The following FAM43B variants were observed in gnomAD, a reference collection of about 807,000 sequenced individuals.
FAM43B encodes the protein protein FAM43B.
In FAM43B, 17 loss-of-function variants were observed where a neutral mutation model predicts 20.1. That is an observed-to-expected ratio of 0.84 (90% CI 0.58 to 1.27). The LOEUF is 1.27. FAM43B is among the 50% of genes most tolerant of loss of function. The probability of loss-of-function intolerance (pLI) is 0.00; values close to 1 mark genes in which losing one functional copy is unlikely to be tolerated. For missense variants in FAM43B, 512 were observed against 516.7 expected (o/e 0.99, Z 0.09); for synonymous variants, 208 against 238.5 (o/e 0.87, Z 1.18).
rs775632632 is a variant in FAM43B at position 20,553,102 on chromosome 1, G to A, written c.129G>A (p.Leu43=). 3.7e-6 allele frequency: 6 copies of A among 1,613,448 alleles called. No individual in the cohort carries two copies. In the South Asian group the frequency reaches 4.4e-5, roughly 12 times the overall value. ...GCTTCCTGCGCTCCTGCCCGGACCT[G>A]CTGCCCGACTGGCCGCTGGAGCGCT... ...LSSFLRSCPD[L]LPDWPLERLG... The change falls in exon 1 of 1, where the codon CTG becomes CTA. Residue 43 remains leucine (L), a synonymous_variant. Transcript: ENST00000332947. The surrounding 1 kb of genome is among the most constrained non-coding windows in gnomAD (Gnocchi z 6.5).
In FAM43B at chr1:20,552,931, C is replaced by T. The variant is rs372568285; in HGVS notation, c.-43C>T. 2 of 1,602,192 alleles carry T rather than the reference C, an allele frequency of 1.2e-6. No homozygotes were observed. Among genetic ancestry groups the T allele is most frequent in the African/African-American group, 1.3e-5 (1 of 74,808 alleles). Reference sequence around the variant, plus strand: ...CTCCCCCGGTCTCCCGACAGGACGCCGGTGAGCTCCCTGCGCCCCCAGCCC... The same window carrying T: ...CTCCCCCGGTCTCCCGACAGGACGCTGGTGAGCTCCCTGCGCCCCCAGCCC... On this transcript the variant is annotated 5_prime_UTR_variant, in exon 1 of 1. Coordinates refer to ENST00000332947, the MANE Select transcript of FAM43B (RefSeq NM_207334.3).
rs778594166 is a variant in FAM43B at position 20,553,331 on chromosome 1, C to T, written c.358C>T (p.Arg120Cys). The T allele has an allele frequency of 1.3e-6, 2 of 1,539,208 alleles. No individual in the cohort carries two copies. The part of the protein sequence containing the change: ...MKLTLGPHGI[R>C]MQPCERSAAG... ...GCTGACGCTGGGGCCGCACGGCATC[C>T]GCATGCAGCCGTGCGAGCGCAGCGC... The change falls in exon 1 of 1, where the codon CGC (arginine) becomes TGC (cysteine). Residue 120 changes from arginine (R) to cysteine (C), a missense_variant. Transcript: ENST00000332947. This position sits in a 1 kb window ranked among gnomAD's most constrained non-coding sequence, Gnocchi z 6.5.
At position 20,553,088 on chromosome 1, in the gene FAM43B, T is replaced by G; in HGVS notation, c.115T>G (p.Ser39Ala). ...YTSLLSSFLR[S>A]CPDLLPDWPL... ...GTCGCTGCTCTCCAGCTTCCTGCGC[T>G]CCTGCCCGGACCTGCTGCCCGACTG... Residue 39 changes from serine to alanine, a missense_variant, in exon 1 of 1, where the codon TCC becomes GCC. Coordinates refer to ENST00000332947, the MANE Select transcript of FAM43B (RefSeq NM_207334.3). The surrounding 1 kb of genome is among the most constrained non-coding windows in gnomAD (Gnocchi z 6.5). 6.2e-7 allele frequency: 1 copy of G among 1,613,404 alleles called. No individual in the cohort carries two copies. Among genetic ancestry groups the G allele is most frequent in the Non-Finnish European group, 8.5e-7 (1 of 1,179,876 alleles).
chr1:20,552,820 G>T lies in FAM43B; in HGVS notation c.-154G>T. 1 of 907,994 alleles carries T rather than the reference G, an allele frequency of 1.1e-6. No homozygotes were observed. Among genetic ancestry groups the T allele is most frequent in the Non-Finnish European group, 1.6e-6 (1 of 615,680 alleles). The allele number at this position is 907,994 out of a possible 1,614,324, so 56.2% of individuals were successfully genotyped here. ...GGCATCTGCGAAGCTAGCCCTGCCTGGCACTGGGCATCTCCAGGCAACGAC... is the reference window on the plus strand; with the variant it reads ...GGCATCTGCGAAGCTAGCCCTGCCTTGCACTGGGCATCTCCAGGCAACGAC... On this transcript the variant is annotated 5_prime_UTR_variant, in exon 1 of 1. Transcript: ENST00000332947.
rs2052147887 is a variant in FAM43B, at chr1:20,553,020, C to G, written c.47C>G (p.Ala16Gly). 3 of 1,613,578 alleles carry G rather than the reference C, an allele frequency of 1.9e-6. No individual in the cohort carries two copies. In the African/African-American group the frequency reaches 4.0e-5, roughly 22 times the overall value. The change falls in exon 1 of 1, where the codon GCC becomes GGC. Residue 16 changes from alanine to glycine, a missense_variant. Transcript: ENST00000332947. The surrounding 1 kb of genome is among the most constrained non-coding windows in gnomAD (Gnocchi z 6.5). ...AAATTCGTGCTGGTGGAGGACGAGGCCAAGTGCAAGGCGAAGAGCCTGAGT... is the reference window on the plus strand; with the variant it reads ...AAATTCGTGCTGGTGGAGGACGAGGGCAAGTGCAAGGCGAAGAGCCTGAGT... Reference protein sequence around the residue: ...RNKFVLVEDEAKCKAKSLSPG... With the variant: ...RNKFVLVEDEGKCKAKSLSPG...
Position 20,552,880 on chromosome 1 carries a change from G to C in FAM43B, c.-94G>C. ...CCCTGCCCAGCTTCTCGCGACTCCA[G>C]GGCGGTGGACTTCTGCGCGCCTTCC... On this transcript the variant is annotated 5_prime_UTR_variant, in exon 1 of 1. Transcript: ENST00000332947. 4 of 1,452,930 alleles carry C rather than the reference G, an allele frequency of 2.8e-6. No individual in the cohort carries two copies. The highest frequency in any genetic ancestry group is 2.8e-6 in the Non-Finnish European group (3 of 1,080,478). The allele number at this position is 1,452,930 out of a possible 1,614,324, so 90.0% of individuals were successfully genotyped here.
chr1:20,553,414 C>CG lies in FAM43B; in HGVS notation c.441_442insG (p.Tyr148ValfsTer238). 6.9e-7 allele frequency: 1 copy of CG among 1,453,520 alleles called. No homozygotes were observed. Among genetic ancestry groups the CG allele is most frequent in the Non-Finnish European group, 9.0e-7 (1 of 1,115,450 alleles). 90.0% of individuals were successfully genotyped at this position (1,453,520 alleles called of 1,614,324 possible). A position where few individuals can be genotyped will look rare whatever the true frequency, so the allele number is the denominator to read the frequency against. On this transcript the variant is annotated frameshift_variant, in exon 1 of 1. Coordinates refer to ENST00000332947, the MANE Select transcript of FAM43B (RefSeq NM_207334.3). LOFTEE classifies it high-confidence loss of function. This position sits in a 1 kb window ranked among gnomAD's most constrained non-coding sequence, Gnocchi z 6.5. ...ACGCCTACCTGCTGCCGCGCATCAC[C>CG]TACTGCACGGCGGACGGGCGCCACC...
In FAM43B at chr1:20,553,492, G is replaced by A; in HGVS notation, c.519G>A (p.Val173=). 1 of 1,395,164 alleles carries A rather than the reference G, an allele frequency of 7.2e-7. No homozygotes were observed. Among genetic ancestry groups the A allele is most frequent in the Non-Finnish European group, 9.2e-7 (1 of 1,085,744 alleles). 86.4% of individuals were successfully genotyped at this position (1,395,164 alleles called of 1,614,324 possible). Residue 173 remains valine, a synonymous_variant, in exon 1 of 1, where the codon GTG becomes GTA. Transcript: ENST00000332947. This position sits in a 1 kb window ranked among gnomAD's most constrained non-coding sequence, Gnocchi z 6.5. ...YRHQARHKAV[V]LRCHAVLLAR... is the part of the protein sequence containing the mutation. ...ACCAGGCGCGCCACAAGGCCGTGGT[G>A]CTGCGCTGCCACGCTGTGCTGCTGG...
At position 20,553,832 on chromosome 1, in the gene FAM43B, C is replaced by A. The variant is rs1324467521; in HGVS notation, c.859C>A (p.Arg287=). The change falls in exon 1 of 1, where the codon CGG becomes AGG. Residue 287 remains arginine, a synonymous_variant. Transcript: ENST00000332947. The surrounding 1 kb of genome is among the most constrained non-coding windows in gnomAD (Gnocchi z 6.5). ...EQEGGVPQRE[R]PEVLSLAREL... is the part of the protein sequence containing the mutation. ...AGAGGGAGGAGTCCCCCAGCGCGAGCGGCCGGAGGTGCTCAGCCTGGCCCG... is the reference window on the plus strand; with the variant it reads ...AGAGGGAGGAGTCCCCCAGCGCGAGAGGCCGGAGGTGCTCAGCCTGGCCCG... 8 of 1,453,154 alleles carry A rather than the reference C, an allele frequency of 5.5e-6. No homozygotes were observed. The highest frequency in any genetic ancestry group is 4.6e-6 in the Non-Finnish European group (5 of 1,096,288). 90.0% of individuals were successfully genotyped at this position (1,453,154 alleles called of 1,614,324 possible). A position where few individuals can be genotyped will look rare whatever the true frequency, so the allele number is the denominator to read the frequency against.
rs1259806218 is a variant in FAM43B, at chr1:20,553,317, G to A, written c.344G>A (p.Gly115Glu). 1 of 1,575,260 alleles carries A rather than the reference G, an allele frequency of 6.3e-7. No homozygotes were observed. ...GGCACTAAGATGAAGCTGACGCTGGGGCCGCACGGCATCCGCATGCAGCCG... is the reference window on the plus strand; with the variant it reads ...GGCACTAAGATGAAGCTGACGCTGGAGCCGCACGGCATCCGCATGCAGCCG... ...GGGTKMKLTL[G>E]PHGIRMQPCE... Residue 115 changes from glycine (G) to glutamate (E), a missense_variant, in exon 1 of 1, where the codon GGG (glycine) becomes GAG (glutamate). Transcript: ENST00000332947. This position sits in a 1 kb window ranked among gnomAD's most constrained non-coding sequence, Gnocchi z 6.5.
chr1:20,553,238 G>A lies in FAM43B; in HGVS notation c.265G>A (p.Gly89Ser), dbSNP rs1251047855. 6.2e-7 allele frequency: 1 copy of A among 1,613,024 alleles called. No homozygotes were observed. Among genetic ancestry groups the A allele is most frequent in the Non-Finnish European group, 8.5e-7 (1 of 1,179,798 alleles). Residue 89 changes from glycine (G) to serine (S), a missense_variant, in exon 1 of 1, where the codon GGC becomes AGC. Coordinates refer to ENST00000332947, the MANE Select transcript of FAM43B (RefSeq NM_207334.3). The surrounding 1 kb of genome is among the most constrained non-coding windows in gnomAD (Gnocchi z 6.5). ...CGTCACCCTGCACGCCAAGGGCGAC[G>A]GCTGCACCGACGACGCCGTGGGCAA... ...NAVTLHAKGD[G>S]CTDDAVGKIW... is the part of the protein sequence containing the mutation.
Position 20,553,790 on chromosome 1 carries a change from G to A in FAM43B, c.817G>A (p.Asp273Asn). 1.4e-6 allele frequency: 2 copies of A among 1,476,774 alleles called. No individual in the cohort carries two copies. Among genetic ancestry groups the A allele is most frequent in the Non-Finnish European group, 1.8e-6 (2 of 1,108,916 alleles). The allele number at this position is 1,476,774 out of a possible 1,614,324, so 91.5% of individuals were successfully genotyped here. The change falls in exon 1 of 1, where the codon GAC becomes AAC. Residue 273 changes from aspartate (D) to asparagine (N), a missense_variant. Asp to Asn is a conservative substitution (Grantham distance 23, BLOSUM62 1). Transcript: ENST00000332947. The surrounding 1 kb of genome is among the most constrained non-coding windows in gnomAD (Gnocchi z 6.5). Reference protein sequence around the residue: ...IQEEDEEEEEDDAEEQEGGVP... With the variant: ...IQEEDEEEEENDAEEQEGGVP... ...GGAGGAGGACGAGGAGGAGGAGGAG[G>A]ACGACGCGGAGGAGCAAGAGGGAGG... is the stretch of plus-strand genomic sequence containing the variant.
At position 20,553,730 on chromosome 1, in the gene FAM43B, C is replaced by G. The variant is rs1295414655; in HGVS notation, c.757C>G (p.Arg253Gly). ...CGCCTACCGGCCGCCGCCGAGCGAG[C>G]GCAGCCGCGGGGCGCCGCGCCTCAG... ...KCAYRPPPSE[R>G]SRGAPRLSSI... Residue 253 changes from arginine (R) to glycine (G), a missense_variant, in exon 1 of 1, where the codon CGC (arginine) becomes GGC (glycine). By Grantham distance (125) the Arg-to-Gly change is moderately radical. Transcript: ENST00000332947. The surrounding 1 kb of genome is among the most constrained non-coding windows in gnomAD (Gnocchi z 6.5). The G allele has an allele frequency of 1.4e-6, 2 of 1,460,862 alleles. No homozygotes were observed. Among genetic ancestry groups the G allele is most frequent in the African/African-American group, 1.5e-5 (1 of 67,570 alleles). 90.5% of individuals were successfully genotyped at this position (1,460,862 alleles called of 1,614,324 possible).
Position 20,553,570 on chromosome 1 carries a change from G to A in FAM43B, c.597G>A (p.Leu199=). 7.8e-7 allele frequency: 1 copy of A among 1,284,778 alleles called. No homozygotes were observed. The highest frequency in any genetic ancestry group is 2.6e-5 in the South Asian group (1 of 38,770). The allele number at this position is 1,284,778 out of a possible 1,614,324, so 79.6% of individuals were successfully genotyped here. The change falls in exon 1 of 1, where the codon CTG becomes CTA. Residue 199 remains leucine (L), a synonymous_variant. Coordinates refer to ENST00000332947, the MANE Select transcript of FAM43B (RefSeq NM_207334.3). The surrounding 1 kb of genome is among the most constrained non-coding windows in gnomAD (Gnocchi z 6.5). ...ALARLLRQTA[L]AAFSDFKRLQ... is the part of the protein sequence containing the mutation. ...CCCGCCTGCTCCGCCAGACCGCGCT[G>A]GCGGCCTTCAGCGACTTCAAGCGCC...
Position 20,554,087 on chromosome 1 carries a change from G to T in FAM43B, c.*124G>T, listed in dbSNP as rs1343767011. 1.8e-6 allele frequency: 2 copies of T among 1,110,492 alleles called. No individual in the cohort carries two copies. Among genetic ancestry groups the T allele is most frequent in the East Asian group, 4.1e-5 (1 of 24,242 alleles). The allele number at this position is 1,110,492 out of a possible 1,614,324, so 68.8% of individuals were successfully genotyped here. On this transcript the variant is annotated 3_prime_UTR_variant, in exon 1 of 1. Coordinates refer to ENST00000332947, the MANE Select transcript of FAM43B (RefSeq NM_207334.3). ...GTGTCTCCCCCGTGGTCTCCGTGTT[G>T]TCCGCCCCGCCGCCTCATTTTGGCT...
rs1278617192 is a variant in FAM43B, at chr1:20,553,133, C to T, written c.160C>T (p.Arg54Cys). 4 of 1,613,578 alleles carry T rather than the reference C, an allele frequency of 2.5e-6. No homozygotes were observed. The highest frequency in any genetic ancestry group is 2.5e-6 in the Non-Finnish European group (3 of 1,179,882). The change falls in exon 1 of 1, where the codon CGT becomes TGT. Residue 54 changes from arginine to cysteine, a missense_variant. Physicochemically the swap from Arg to Cys is radical, Grantham distance 180. Transcript: ENST00000332947. This position sits in a 1 kb window ranked among gnomAD's most constrained non-coding sequence, Gnocchi z 6.5. ...LPDWPLERLG[R>C]VFRSRRQKVE... is the part of the protein sequence containing the mutation. ...CGACTGGCCGCTGGAGCGCTTGGGC[C>T]GTGTGTTCCGCAGCCGGCGCCAGAA...
Position 20,553,792 on chromosome 1 carries a change from C to T in FAM43B, c.819C>T (p.Asp273=). ...AGGAGGACGAGGAGGAGGAGGAGGACGACGCGGAGGAGCAAGAGGGAGGAG... is the reference window on the plus strand; with the variant it reads ...AGGAGGACGAGGAGGAGGAGGAGGATGACGCGGAGGAGCAAGAGGGAGGAG... ...IQEEDEEEEE[D]DAEEQEGGVP... The change falls in exon 1 of 1, where the codon GAC becomes GAT. Residue 273 remains aspartate (D), a synonymous_variant. Transcript: ENST00000332947. The surrounding 1 kb of genome is among the most constrained non-coding windows in gnomAD (Gnocchi z 6.5). The T allele has an allele frequency of 6.8e-7, 1 of 1,474,896 alleles. No individual in the cohort carries two copies. Among genetic ancestry groups the T allele is most frequent in the Non-Finnish European group, 9.0e-7 (1 of 1,108,228 alleles). 91.4% of individuals were successfully genotyped at this position (1,474,896 alleles called of 1,614,324 possible).
Position 20,552,780 on chromosome 1 carries a change from C to A in FAM43B, c.-194C>A, listed in dbSNP as rs2052145354. ...CCGCCGTCCGCACCTCGGCTGCTGGCCCGGCTGGGCACCGGGCATCTGCGA... is the reference window on the plus strand; with the variant it reads ...CCGCCGTCCGCACCTCGGCTGCTGGACCGGCTGGGCACCGGGCATCTGCGA... On this transcript the variant is annotated 5_prime_UTR_variant, in exon 1 of 1. Transcript: ENST00000332947. 16 of 684,922 alleles carry A rather than the reference C, an allele frequency of 2.3e-5. No individual in the cohort carries two copies. In the South Asian group the frequency reaches 2.9e-4, roughly 12 times the overall value. 42.4% of individuals were successfully genotyped at this position (684,922 alleles called of 1,614,324 possible).
In FAM43B at chr1:20,553,193, G is replaced by A. The variant is rs1446262505; in HGVS notation, c.220G>A (p.Val74Met). 2 of 1,613,658 alleles carry A rather than the reference G, an allele frequency of 1.2e-6. No homozygotes were observed. The highest frequency in any genetic ancestry group is 8.5e-7 in the Non-Finnish European group (1 of 1,179,894). The change falls in exon 1 of 1, where the codon GTG (valine) becomes ATG (methionine). Residue 74 changes from valine (V) to methionine (M), a missense_variant. Coordinates refer to ENST00000332947, the MANE Select transcript of FAM43B (RefSeq NM_207334.3). This position sits in a 1 kb window ranked among gnomAD's most constrained non-coding sequence, Gnocchi z 6.5. ...CAACAAGGAGGACCCGACCTACACCGTGTGGTACCTGGGCAACGCCGTCAC... is the reference window on the plus strand; with the variant it reads ...CAACAAGGAGGACCCGACCTACACCATGTGGTACCTGGGCAACGCCGTCAC... ...ELNKEDPTYT[V>M]WYLGNAVTLH...
Sources: allele counts gnomAD v4.1 joint callset, GRCh38; gene constraint gnomAD v4.1.1; non-coding constraint Gnocchi (gnomAD v3.1); transcripts MANE v1.5; gene names NCBI Gene and HGNC (gene_info 2026-07-23, HGNC 2026-07-21).